The following ADCY7 variants were observed in gnomAD, a reference collection of about 807,000 sequenced individuals.
ADCY7 encodes adenylate cyclase type 7.
Under a neutral mutation model 120.6 loss-of-function variants are expected in ADCY7, and 72 were observed. That is an observed-to-expected ratio of 0.60 (90% confidence interval 0.49 to 0.73). The LOEUF is 0.73. Ranked by LOEUF, ADCY7 falls within the 30% of genes least tolerant of loss-of-function variation. The pLI is 0.00. For synonymous variants in ADCY7, 661 were observed against 628.0 expected (o/e 1.05, Z -0.78); for missense variants, 1,227 against 1,486.0 (o/e 0.83, Z 2.87).
chr16:50,286,074 T>C (rs1404550400), intron 1 of ADCY7, among the ~76,000 whole-genome samples: 1 of 152,024 alleles, frequency 6.6e-6, no homozygotes, highest in African/African-American at 2.4e-5. Flanking sequence ...TGCAGACATC[T>C]GAAATTTGTA....
Position 50,312,917 on chromosome 16 carries a change from G to A in ADCY7, c.2632G>A (p.Val878Ile), listed in dbSNP as rs747007427. 1.8e-5 allele frequency: 29 copies of A among 1,614,062 alleles called. No individual in the cohort carries two copies. Among genetic ancestry groups the A allele is most frequent in the Middle Eastern group, 1.6e-4 (1 of 6,082 alleles). The change falls in exon 22 of 26, where the codon GTC becomes ATC. Residue 878 changes from valine to isoleucine, a missense_variant. Coordinates refer to ENST00000673801, the MANE Select transcript of ADCY7 (RefSeq NM_001114.5). ...CTGGTACCATCAGTCCTATGACTGC[G>A]TCTGTGTCATGTTTGCCTCCGTGCC... ...EDWYHQSYDCVCVMFASVPDF... is the reference protein window; with the variant it reads ...EDWYHQSYDCICVMFASVPDF...
In ADCY7 at chr16:50,299,156, A is replaced by G. The variant is rs575557619; in HGVS notation, c.1076+125A>G. ...TGAGGCTCGGGGGGTTGGGGGTGAA[A>G]GCAGCTTGCCTGGACCACCCAGCCT... On this transcript the variant is annotated intron_variant, in intron 8 of 25. Transcript: ENST00000673801. 15 of 1,320,896 alleles carry G rather than the reference A, an allele frequency of 1.1e-5. No individual in the cohort carries two copies. In the African/African-American group the frequency reaches 2.1e-4, roughly 18 times the overall value. The allele number at this position is 1,320,896 out of a possible 1,614,324, so 81.8% of individuals were successfully genotyped here.
intron 1 of ADCY7, among the ~76,000 whole-genome samples, chr16:50,276,801 C>T (rs1259941464): frequency 6.6e-6 from 1 of 152,122 alleles, no homozygotes; most frequent in Non-Finnish European, 1.5e-5. Flanking sequence ...ACTACGTTGC[C>T]CAGGCTGATC....
chr16:50,263,033 G>T (rs552364049), upstream of ADCY7, among the ~76,000 whole-genome samples: 4 of 152,358 alleles, frequency 2.6e-5, no homozygotes, highest in East Asian at 3.9e-4. Flanking sequence ...CCCAGGGAGG[G>T]TCAGGAGCAT....
intron 1 of ADCY7, among the ~76,000 whole-genome samples, chr16:50,251,251 G>A (rs1459091618): frequency 6.6e-6 from 1 of 151,338 alleles, no homozygotes; most frequent in Non-Finnish European, 1.5e-5. Flanking sequence ...AAAAAAAAAA[G>A]AAAGAAAAAG....
rs890698797 is a variant in ADCY7, at chr16:50,316,999, T to C, written c.*1494T>C. On this transcript the variant is annotated 3_prime_UTR_variant, in exon 26 of 26. Coordinates refer to ENST00000673801, the MANE Select transcript of ADCY7 (RefSeq NM_001114.5). ...CAGATTGGGTGACTGACCAGACTTG[T>C]TGGGGTCCTGGGATGAGTTGCCCCG... 6.5e-6 allele frequency: 1 copy of C among 152,770 alleles called. No homozygotes were observed. The highest frequency in any genetic ancestry group is 1.5e-5 in the Non-Finnish European group (1 of 68,050). 9.5% of individuals were successfully genotyped at this position (152,770 alleles called of 1,614,324 possible).
chr16:50,268,579 T>G (rs1258402600), intron 1 of ADCY7, among the ~76,000 whole-genome samples: 1 of 152,202 alleles, frequency 6.6e-6, no homozygotes, highest in Non-Finnish European at 1.5e-5. Context: ...AGTGCTGTTT[T>G]CATGAAAGAA....
Position 50,310,761 on chromosome 16 carries a change from T to C in ADCY7, c.2235T>C (p.Val745=). ...VFLRMSLEPK[V]VLLTVALVAY... Reference sequence around the variant, plus strand: ...TGAGGATGAGCCTGGAGCCAAAGGTTGTGCTGCTGACAGTGGCCCTGGTGG... The same window carrying C: ...TGAGGATGAGCCTGGAGCCAAAGGTCGTGCTGCTGACAGTGGCCCTGGTGG... Residue 745 remains valine, a synonymous_variant, in exon 19 of 26, where the codon GTT becomes GTC. Transcript: ENST00000673801. The C allele has an allele frequency of 6.2e-7, 1 of 1,614,174 alleles. No individual in the cohort carries two copies. The highest frequency in any genetic ancestry group is 8.5e-7 in the Non-Finnish European group (1 of 1,180,020).
chr16:50,311,544 A>G, intron 19 of ADCY7, 149 bp from the exon 20 acceptor site: 1 of 484,426 alleles, frequency 2.1e-6, no homozygotes, highest in Non-Finnish European at 3.8e-6. Flanking sequence ...TCCCCCCTTT[A>G]TAATACCCCA....
At chr16:50,270,421 A>G (rs946318629) in intron 1 of ADCY7, among the ~76,000 whole-genome samples, 7 of 152,120 alleles carry the variant, frequency 4.6e-5, no homozygotes, top group African/African-American at 1.7e-4. Context: ...GCCTCCTCCC[A>G]ACAGCGTGTG....
intron 1 of ADCY7, among the ~76,000 whole-genome samples, chr16:50,257,471 CACAA>C (rs893448968): frequency 2.2e-4 from 34 of 152,128 alleles, no homozygotes; most frequent in African/African-American, 8.2e-4. Flanking sequence ...ATGTTTTCAC[CACAA>C]ACAGTGCTAA....
intron 7 of ADCY7, 152 bp from the exon 8 acceptor site, chr16:50,298,752 G>C: frequency 9.0e-7 from 1 of 1,114,800 alleles, no homozygotes; most frequent in Middle Eastern, 2.3e-4. Flanking sequence ...CTTTTGCCAG[G>C]CCCAGAAGTG....
At chr16:50,312,270 G>A in intron 21 of ADCY7, 79 bp downstream of exon 21, 1 of 1,527,542 alleles carries the variant, frequency 6.5e-7, no homozygotes, top group Admixed American at 1.7e-5. Flanking sequence ...GTGTGGAGCT[G>A]GAGTGCATGC....
Position 50,311,806 on chromosome 16 carries a change from C to A in ADCY7, c.2448+20C>A, listed in dbSNP as rs777084641. Reference sequence around the variant, plus strand: ...AGACAGGTAAGGAGGCTGGCCCCCCCCCCCCCCCCAAGCTCTGCCCACTTT... The same window carrying A: ...AGACAGGTAAGGAGGCTGGCCCCCCACCCCCCCCCAAGCTCTGCCCACTTT... On this transcript the variant is annotated intron_variant, in intron 20 of 25. Transcript: ENST00000673801. 349 of 1,327,042 alleles carry A rather than the reference C, an allele frequency of 2.6e-4. 5 individuals carry two copies. Among genetic ancestry groups the A allele is most frequent in the Middle Eastern group, 1.0e-3 (5 of 4,990 alleles). The allele number at this position is 1,327,042 out of a possible 1,614,324, so 82.2% of individuals were successfully genotyped here. A position where few individuals can be genotyped will look rare whatever the true frequency, so the allele number is the denominator to read the frequency against.
intron 17 of ADCY7, 131 bp from the exon 18 acceptor site, chr16:50,309,417 C>A: frequency 1.4e-6 from 1 of 718,412 alleles, no homozygotes; most frequent in Non-Finnish European, 2.3e-6. Context: ...TTGAGCCGTG[C>A]TCAGAGCTGA....
chr16:50,291,561 C>A (rs762468542), intron 3 of ADCY7, among the ~76,000 whole-genome samples, 175 bp from the exon 4 acceptor site: 1 of 151,966 alleles, frequency 6.6e-6, no homozygotes, highest in Non-Finnish European at 1.5e-5. Flanking sequence ...CCGGGCCCAC[C>A]CTAGAAACAC....
At chr16:50,246,802 G>C (rs1049172019) in intron 1 of ADCY7, among the ~76,000 whole-genome samples, 1 of 152,238 alleles carries the variant, frequency 6.6e-6, no homozygotes, top group African/African-American at 2.4e-5. Context: ...GTGACAATGG[G>C]AGCCGACCCC....
chr16:50,291,635 A>G (rs2150965382), intron 3 of ADCY7, 101 bp from the exon 4 acceptor site: 1 of 1,422,414 alleles, frequency 7.0e-7, no homozygotes, highest in South Asian at 1.2e-5. Flanking sequence ...GAGCCAACCT[A>G]AGGATACGCA....
downstream of ADCY7, chr16:50,318,135 A>ATATC (rs1280219660): frequency 6.6e-6 from 1 of 152,274 alleles, no homozygotes; most frequent in African/African-American, 2.4e-5. Context: ...AAAAACTCAA[A>ATATC]TATCTGAAGG....
Sources: allele counts gnomAD v4.1 joint callset (sites outside exome capture counted in the v4.1 genomes callset), GRCh38; gene constraint gnomAD v4.1.1; transcripts MANE v1.5; gene names NCBI Gene and HGNC (gene_info 2026-07-23, HGNC 2026-07-21).